The following FAT4 variants were observed in gnomAD, a reference collection of about 807,000 sequenced individuals.
The protein encoded by FAT4 is FAT atypical cadherin 4.
In FAT4, 84 loss-of-function variants were observed where a neutral mutation model predicts 303.9. The observed-to-expected ratio is 0.28, with a 90% CI of 0.23 to 0.33. The LOEUF (loss-of-function observed/expected upper bound fraction) is 0.33. Among genes scored for constraint, FAT4 ranks in the 10% least tolerant of loss-of-function variants. The pLI is 1.00. For synonymous variants in FAT4, 2,307 were observed against 2,298.8 expected (o/e 1.00, Z -0.10); for missense variants, 6,005 against 6,146.8 (o/e 0.98, Z 0.77).
intron 10 of FAT4, among the ~76,000 whole-genome samples, chr4:125,461,770 T>C (rs1178303440): frequency 6.6e-6 from 1 of 151,794 alleles, no homozygotes; most frequent in African/African-American, 2.4e-5. Flanking sequence ...ATATGGCCAG[T>C]AGACCTTATG....
rs2710531 is a variant in FAT4, at chr4:125,334,645, A to T, written c.5175+13059A>T. Among the ~76,000 whole-genome samples, 9 of 152,308 alleles carry T rather than the reference A, an allele frequency of 5.9e-5. 1 individual carries two copies. The highest frequency in any genetic ancestry group is 2.2e-4 in the African/African-American group (9 of 41,570). On this transcript the variant is annotated intron_variant, in intron 2 of 17. Transcript: ENST00000394329. Reference sequence around the variant, plus strand: ...GCTTAAAACAAGACATGTATTTCATATATTACTTTAATACCAAAACCAATT... The same window carrying T: ...GCTTAAAACAAGACATGTATTTCATTTATTACTTTAATACCAAAACCAATT...
At position 125,468,528 on chromosome 4, in the gene FAT4, C is replaced by T; in HGVS notation, c.11922C>T (p.His3974=). 1 of 1,561,692 alleles carries T rather than the reference C, an allele frequency of 6.4e-7. No homozygotes were observed. Residue 3974 remains histidine (H), a synonymous_variant, in exon 12 of 18, where the codon CAC becomes CAT. Transcript: ENST00000394329. ...CTCCAACAGGTGTCTTTGGAAAACA[C>T]TGCGAGTTGAACAGTTATGGATTTG... ...CHCPFGVFGK[H]CELNSYGFEE... is the part of the protein sequence containing the mutation.
intron 14 of FAT4, 115 bp from the exon 15 acceptor site, chr4:125,479,626 C>T (rs929167376): frequency 7.8e-6 from 8 of 1,025,708 alleles, no homozygotes; most frequent in African/African-American, 3.2e-5. Context: ...GTAACTTGAG[C>T]TTCAAATAAT....
chr4:125,413,247 C>G (rs1287534963), intron 5 of FAT4, among the ~76,000 whole-genome samples: 1 of 151,722 alleles, frequency 6.6e-6, no homozygotes, highest in Non-Finnish European at 1.5e-5. Context: ...AAGCTGTTAA[C>G]CTTGTTCTAG....
At chr4:125,478,244 T>C (rs1186500117) in intron 14 of FAT4, among the ~76,000 whole-genome samples, 1 of 152,078 alleles carries the variant, frequency 6.6e-6, no homozygotes, top group Non-Finnish European at 1.5e-5. Flanking sequence ...TTTTCCTACA[T>C]GTTGTTACTG....
rs140949430 is a variant in FAT4, at chr4:125,454,980, G to A, written c.11800+2170G>A. On this transcript the variant is annotated intron_variant, in intron 10 of 17. Coordinates refer to ENST00000394329, the MANE Select transcript of FAT4 (RefSeq NM_001291303.3). Reference sequence around the variant, plus strand: ...TAAAAAGACATGAAACCTGTGTAGCGGAAGTTAACTGTGAGTCTTATGAGA... The same window carrying A: ...TAAAAAGACATGAAACCTGTGTAGCAGAAGTTAACTGTGAGTCTTATGAGA... Among the ~76,000 whole-genome samples, 976 of 152,122 alleles carry A rather than the reference G, an allele frequency of 6.4e-3. 15 individuals carry two copies. Among genetic ancestry groups the A allele is most frequent in the African/African-American group, 0.023 (941 of 41,498 alleles).
At position 125,339,627 on chromosome 4, in the gene FAT4, C is replaced by G. The variant is rs537895254; in HGVS notation, c.5175+18041C>G. Among the ~76,000 whole-genome samples, 11 of 152,242 alleles carry G rather than the reference C, an allele frequency of 7.2e-5. No individual in the cohort carries two copies. In the East Asian group the frequency reaches 1.9e-3, roughly 27 times the overall value. On this transcript the variant is annotated intron_variant, in intron 2 of 17. Coordinates refer to ENST00000394329, the MANE Select transcript of FAT4 (RefSeq NM_001291303.3). ...TATTTAAAACAAATGGCTATTTATGCTATTTTATTCAAACCTCAAAATAAT... is the reference window on the plus strand; with the variant it reads ...TATTTAAAACAAATGGCTATTTATGGTATTTTATTCAAACCTCAAAATAAT...
intron 2 of FAT4, among the ~76,000 whole-genome samples, chr4:125,382,689 G>C (rs1218796405): frequency 1.3e-5 from 2 of 152,182 alleles, no homozygotes; most frequent in African/African-American, 4.8e-5. Context: ...CCTGTCCTTT[G>C]AAGCTTCAAA....
intron 11 of FAT4, among the ~76,000 whole-genome samples, chr4:125,464,690 A>G (rs1266400279): frequency 6.6e-6 from 1 of 151,880 alleles, no homozygotes; most frequent in African/African-American, 2.4e-5. Context: ...ATGACAGGTC[A>G]CGGTGTGTGA....
At chr4:125,402,747 C>T (rs1734436974) in intron 3 of FAT4, among the ~76,000 whole-genome samples, 1 of 151,956 alleles carries the variant, frequency 6.6e-6, no homozygotes, top group Non-Finnish European at 1.5e-5. Context: ...TGTAATCCCC[C>T]ACTGTGTCAG....
At position 125,319,698 on chromosome 4, in the gene FAT4, A is replaced by G. The variant is rs1197787068; in HGVS notation, c.3287A>G (p.Asn1096Ser). ...VTVILEDVND[N>S]RPLFNSTNYT... ...GTAATTTTAGAAGATGTAAATGATA[A>G]CAGACCTCTTTTTAACAGTACCAAT... Residue 1096 changes from asparagine (N) to serine (S), a missense_variant, in exon 2 of 18, where the codon AAC becomes AGC. By Grantham distance (46) the Asn-to-Ser change is conservative. Coordinates refer to ENST00000394329, the MANE Select transcript of FAT4 (RefSeq NM_001291303.3). 1 of 1,614,154 alleles carries G rather than the reference A, an allele frequency of 6.2e-7. No individual in the cohort carries two copies. The highest frequency in any genetic ancestry group is 8.5e-7 in the Non-Finnish European group (1 of 1,179,988).
chr4:125,490,611 G>C lies in FAT4; in HGVS notation c.13795G>C (p.Asp4599His), dbSNP rs778909132. 1.2e-6 allele frequency: 2 copies of C among 1,614,142 alleles called. No homozygotes were observed. The highest frequency in any genetic ancestry group is 2.2e-5 in the South Asian group (2 of 91,082). Reference sequence around the variant, plus strand: ...CCCCTACCTTATCTATGATGAAACTGATATTCCTCACAACTCAGAAACCAT... The same window carrying C: ...CCCCTACCTTATCTATGATGAAACTCATATTCCTCACAACTCAGAAACCAT... ...ENPYLIYDETDIPHNSETIPS... is the reference protein window; with the variant it reads ...ENPYLIYDETHIPHNSETIPS... The change falls in exon 18 of 18, where the codon GAT becomes CAT. Residue 4599 changes from aspartate (D) to histidine (H), a missense_variant. Asp to His is a moderately conservative substitution (Grantham distance 81). Coordinates refer to ENST00000394329, the MANE Select transcript of FAT4 (RefSeq NM_001291303.3).
intron 2 of FAT4, among the ~76,000 whole-genome samples, chr4:125,387,285 AC>A (rs1733791878): frequency 6.6e-6 from 1 of 152,226 alleles, no homozygotes; most frequent in Non-Finnish European, 1.5e-5. Context: ...GGTGAAGACT[AC>A]TATGCAAATG....
chr4:125,429,815 G>A (rs1404075618), intron 7 of FAT4, among the ~76,000 whole-genome samples: 2 of 152,180 alleles, frequency 1.3e-5, no homozygotes, highest in Non-Finnish European at 2.9e-5. Flanking sequence ...ACTTGCAAGA[G>A]CAGACCAACA....
chr4:125,467,944 C>A (rs1335153716), intron 11 of FAT4, among the ~76,000 whole-genome samples: 1 of 152,110 alleles, frequency 6.6e-6, no homozygotes, highest in Non-Finnish European at 1.5e-5. Context: ...GCAGGCGGAT[C>A]ACCTGAGGTC....
intron 10 of FAT4, among the ~76,000 whole-genome samples, chr4:125,457,122 T>TACACAC (rs151245014): frequency 1.6e-4 from 13 of 81,376 alleles, no homozygotes; most frequent in African/African-American, 1.2e-3. Flanking sequence ...GTTTCTCTCA[T>TACACAC]ACACACACAC....
At chr4:125,368,647 T>TA (rs965356980) in intron 2 of FAT4, among the ~76,000 whole-genome samples, 2 of 150,620 alleles carry the variant, frequency 1.3e-5, no homozygotes, top group African/African-American at 4.9e-5. Flanking sequence ...AAAGTATGAT[T>TA]AAAAAAAATA....
chr4:125,475,023 A>C (rs1431818453), intron 12 of FAT4, among the ~76,000 whole-genome samples: 1 of 152,086 alleles, frequency 6.6e-6, no homozygotes, highest in Admixed American at 6.6e-5. Context: ...ATATGTAACA[A>C]ATTTGGATTA....
rs566557616 is a variant in FAT4 at position 125,353,749 on chromosome 4, G to A, written c.5175+32163G>A. On this transcript the variant is annotated intron_variant, in intron 2 of 17. Transcript: ENST00000394329. ...TATATGCATACATACTTTATTAAAA[G>A]TGAACATTTGTTACATTTTAATCGT... is the stretch of plus-strand genomic sequence containing the variant. Among the ~76,000 whole-genome samples, 58 of 151,690 alleles carry A rather than the reference G, an allele frequency of 3.8e-4. No homozygotes were observed. The South Asian group carries it at 7.5e-3, about 20-fold the overall frequency.
Sources: gnomAD v4.1 joint callset for allele counts (sites outside exome capture counted in the v4.1 genomes callset) on GRCh38, gnomAD v4.1.1 for gene constraint, MANE v1.5 for transcripts, NCBI Gene and HGNC (gene_info 2026-07-23, HGNC 2026-07-21) for gene names.